The following HTT variants were observed in gnomAD, a reference collection of about 807,000 sequenced individuals.
HTT encodes the protein huntingtin, also known as huntington disease protein.
In HTT, 104 loss-of-function variants were observed where a neutral mutation model predicts 362.3. That is an observed-to-expected ratio of 0.29 (90% confidence interval 0.24 to 0.34). HTT has a LOEUF of 0.34. HTT is among the 10% of genes least tolerant of loss of function. The probability of loss-of-function intolerance (pLI) is 1.00; values close to 1 mark genes in which losing one functional copy is unlikely to be tolerated. For synonymous variants in HTT, 1,577 were observed against 1,548.7 expected, an observed-to-expected ratio of 1.02 and a Z score of -0.43; for missense variants, 3,301 against 3,928.6, an observed-to-expected ratio of 0.84 and a Z score of 4.27.
intron 6 of HTT, 76 bp downstream of exon 6, chr4:3,107,499 C>T: frequency 1.4e-6 from 2 of 1,443,978 alleles, no homozygotes; most frequent in African/African-American, 1.4e-5. Flanking sequence ...GGCTTCTGAA[C>T]AGGGAGTCCT....
intron 33 of HTT, among the ~76,000 whole-genome samples, chr4:3,176,806 C>A (rs1177563080): frequency 6.6e-6 from 1 of 152,186 alleles, no homozygotes; most frequent in Non-Finnish European, 1.5e-5. Flanking sequence ...TGCATTCTGC[C>A]CAGAGGCTCT....
At chr4:3,150,581 T>C (rs963108445) in intron 26 of HTT, among the ~76,000 whole-genome samples, 1 of 152,226 alleles carries the variant, frequency 6.6e-6, no homozygotes, top group Non-Finnish European at 1.5e-5. Context: ...TTGTGTCTTA[T>C]CAAGCTAGAA....
rs200974872 is a variant in HTT, at chr4:3,127,395, C to A, written c.1534C>A (p.Leu512Met). Residue 512 changes from leucine to methionine, a missense_variant, in exon 12 of 67, where the codon CTG becomes ATG. Leu to Met is a conservative substitution (Grantham distance 15). Coordinates refer to ENST00000355072, the MANE Select transcript of HTT (RefSeq NM_001388492.1). ...QHTLQADSVD[L>M]ASCDLTSSAT... is the part of the protein sequence containing the mutation. ...CACACTGCAGGCGGACTCAGTGGAT[C>A]TGGCCAGCTGTGACTTGACAAGCTC... The A allele has an allele frequency of 6.2e-7, 1 of 1,614,190 alleles. No homozygotes were observed. Among genetic ancestry groups the A allele is most frequent in the Admixed American group, 1.7e-5 (1 of 60,026 alleles).
chr4:3,234,906 G>A (rs1467434877), intron 61 of HTT, among the ~76,000 whole-genome samples: 1 of 152,192 alleles, frequency 6.6e-6, no homozygotes, highest in Admixed American at 6.5e-5. Context: ...ATGATGGCAT[G>A]TGCCATGAAG....
chr4:3,182,504 A>G, intron 37 of HTT, 34 bp downstream of exon 37: 1 of 1,342,504 alleles, frequency 7.4e-7, no homozygotes, highest in Non-Finnish European at 1.1e-6. Context: ...GTTGTTGCAT[A>G]GTGATGGTAG....
intron 66 of HTT, 39 bp downstream of exon 66, chr4:3,239,017 T>C: frequency 1.3e-6 from 2 of 1,563,778 alleles, no homozygotes; most frequent in South Asian, 1.2e-5. Context: ...CCCGTTTCCC[T>C]TGTCAACACC....
In HTT at chr4:3,173,007, T is replaced by C; in HGVS notation, c.4042T>C (p.Ser1348Pro). ...SQGRAQRLGS[S>P]SVRPGLYHYC... ...AGGCCGAGCACAGCGCCTTGGCTCC[T>C]CCAGTGTGAGGCCAGGCTTGTACCA... is the stretch of plus-strand genomic sequence containing the variant. The change falls in exon 31 of 67, where the codon TCC becomes CCC. Residue 1348 changes from serine (S) to proline (P), a missense_variant. Physicochemically the swap from Ser to Pro is moderately conservative, Grantham distance 74 (BLOSUM62 -1). This residue lies in a region of HTT where 2,316 missense variants were observed against 2,658.5 expected (regional missense o/e 0.87). Transcript: ENST00000355072. 6.2e-7 allele frequency: 1 copy of C among 1,614,182 alleles called. No homozygotes were observed. Among genetic ancestry groups the C allele is most frequent in the Non-Finnish European group, 8.5e-7 (1 of 1,180,008 alleles).
chr4:3,155,845 C>T (rs1717116333), intron 27 of HTT, among the ~76,000 whole-genome samples: 1 of 147,636 alleles, frequency 6.8e-6, no homozygotes, highest in African/African-American at 2.5e-5. Flanking sequence ...TTGCAGTGAG[C>T]TGAGTTCATG....
intron 29 of HTT, among the ~76,000 whole-genome samples, chr4:3,171,548 G>C (rs1333947866): frequency 6.6e-6 from 1 of 151,508 alleles, no homozygotes; most frequent in Non-Finnish European, 1.5e-5. Context: ...CGCCATCTCG[G>C]CTCACTGTAA....
rs956664465 is a variant in HTT, at chr4:3,213,992, C to A, written c.6809C>A (p.Pro2270Gln). 5 of 1,596,126 alleles carry A rather than the reference C, an allele frequency of 3.1e-6. No homozygotes were observed. The highest frequency in any genetic ancestry group is 4.3e-6 in the Non-Finnish European group (5 of 1,169,358). The part of the protein sequence containing the change: ...LSWHLIHEQI[P>Q]LSLDLQAGLD... ...TGGCATTTGATCCATGAGCAGATCC[C>A]GCTGAGTCTGGATCTCCAGGCAGGG... The change falls in exon 50 of 67, where the codon CCG becomes CAG. Residue 2270 changes from proline (P) to glutamine (Q), a missense_variant. Coordinates refer to ENST00000355072, the MANE Select transcript of HTT (RefSeq NM_001388492.1).
In HTT at chr4:3,112,719, G is replaced by T. The variant is rs1560552510; in HGVS notation, c.748-2585G>T. Among the ~76,000 whole-genome samples the T allele has an allele frequency of 1.3e-5, 2 of 152,186 alleles. 1 individual carries two copies. The highest frequency in any genetic ancestry group is 1.3e-4 in the Admixed American group (2 of 15,276). The stretch of plus-strand genomic sequence containing the variant: ...GCAGTGCTACTGTGACCACTCTTAG[G>T]TGTGTCTTTTGGAGTACATGTGCAG... On this transcript the variant is annotated intron_variant, in intron 6 of 66. Transcript: ENST00000355072.
At chr4:3,093,463 C>G (rs140756268) in intron 2 of HTT, among the ~76,000 whole-genome samples, 24 of 152,264 alleles carry the variant, frequency 1.6e-4, no homozygotes, top group Non-Finnish European at 2.8e-4. Flanking sequence ...GCTGGAAGAG[C>G]AGAAATTGAC....
rs752064671 is a variant in HTT, at chr4:3,132,673, C to G, written c.2348C>G (p.Ser783Cys). The G allele has an allele frequency of 3.1e-6, 5 of 1,614,176 alleles. No homozygotes were observed. The South Asian group carries it at 5.5e-5, about 18-fold the overall frequency. Residue 783 changes from serine (S) to cysteine (C), a missense_variant, in exon 17 of 67, where the codon TCC becomes TGC. Physicochemically the swap from Ser to Cys is moderately radical, Grantham distance 112. Around this residue, in one of 4 missense-constraint regions of HTT, gnomAD observed 2,316 missense variants for 2,658.5 expected, o/e 0.87. Coordinates refer to ENST00000355072, the MANE Select transcript of HTT (RefSeq NM_001388492.1). ...CTCATCTGCTCCATCCTCAGCAGGT[C>G]CCGCTTCCACGTGGGAGATTGGATG... ...GTLICSILSRSRFHVGDWMGT... is the reference protein window; with the variant it reads ...GTLICSILSRCRFHVGDWMGT...
chr4:3,084,041 G>T (rs1713066430), intron 1 of HTT, among the ~76,000 whole-genome samples: 1 of 152,064 alleles, frequency 6.6e-6, no homozygotes, highest in African/African-American at 2.4e-5. Context: ...TTTTGCAATG[G>T]CACAGTTTTA....
At chr4:3,205,279 ATTTC>A (rs1331867683) in intron 42 of HTT, among the ~76,000 whole-genome samples, 3 of 152,126 alleles carry the variant, frequency 2.0e-5, no homozygotes, top group East Asian at 3.8e-4. Context: ...AAACATATGC[ATTTC>A]TTTGTCACAA....
intron 13 of HTT, 67 bp downstream of exon 13, chr4:3,130,114 C>A: frequency 6.8e-7 from 1 of 1,469,728 alleles, no homozygotes. Flanking sequence ...TTAATTATAT[C>A]TTTGCTTCCA....
At chr4:3,145,295 G>A in intron 24 of HTT, 67 bp downstream of exon 24, 2 of 1,111,382 alleles carry the variant, frequency 1.8e-6, no homozygotes, top group Non-Finnish European at 2.7e-6. Context: ...TAGTTATTAG[G>A]ATGCCCTTTT....
intron 40 of HTT, among the ~76,000 whole-genome samples, chr4:3,189,350 G>A (rs902940639): frequency 1.3e-5 from 2 of 152,184 alleles, no homozygotes; most frequent in African/African-American, 2.4e-5. Flanking sequence ...CATTATTCAC[G>A]ATAGCTAAAA....
At chr4:3,084,849 T>TA (rs996802379) in intron 1 of HTT, among the ~76,000 whole-genome samples, 4 of 149,574 alleles carry the variant, frequency 2.7e-5, no homozygotes, top group African/African-American at 9.9e-5. Context: ...CCGTCTCTAC[T>TA]AAAAAATACA....
Sources: gnomAD v4.1 joint callset for allele counts (sites outside exome capture counted in the v4.1 genomes callset) on GRCh38, gnomAD v4.1.1 for gene constraint, gnomAD v4.1.1 regional missense constraint, MANE v1.5 for transcripts, NCBI Gene and HGNC (gene_info 2026-07-23, HGNC 2026-07-21) for gene names.